The following PIGK variants were observed in gnomAD, a reference collection of about 807,000 sequenced individuals.
The protein encoded by PIGK is GPI-anchor transamidase.
A neutral mutation model predicts 50.6 loss-of-function variants in PIGK; 42 were observed. The ratio of observed to expected loss-of-function variants is 0.83; its 90% CI spans 0.65 to 1.07. The LOEUF (loss-of-function observed/expected upper bound fraction) is 1.07. PIGK is among the 50% of genes least tolerant of loss of function. PIGK has a pLI of 0.00. For missense variants in PIGK, 448 were observed against 488.7 expected, an observed-to-expected ratio of 0.92 and a Z score of 0.78; for synonymous variants, 151 against 156.0, an observed-to-expected ratio of 0.97 and a Z score of 0.24.
intron 3 of PIGK, among the ~76,000 whole-genome samples, chr1:77,197,590 T>C (rs1214566418): frequency 5.3e-5 from 8 of 152,220 alleles, no homozygotes; most frequent in Non-Finnish European, 1.0e-4. Context: ...GTCACATATA[T>C]GCTTTGTATT....
At chr1:77,202,417 AC>A (rs1310348043) in intron 3 of PIGK, among the ~76,000 whole-genome samples, 1 of 152,208 alleles carries the variant, frequency 6.6e-6, no homozygotes, top group Non-Finnish European at 1.5e-5. Flanking sequence ...ACATCAGAAA[AC>A]TAGAGGGGAA....
At chr1:77,215,468 G>A (rs931145787) in intron 1 of PIGK, among the ~76,000 whole-genome samples, 1 of 152,152 alleles carries the variant, frequency 6.6e-6, no homozygotes, top group Non-Finnish European at 1.5e-5. Flanking sequence ...TACACTGCTG[G>A]TGGGAATGTA....
chr1:77,165,075 C>T (rs1655206010), intron 5 of PIGK, among the ~76,000 whole-genome samples: 1 of 152,046 alleles, frequency 6.6e-6, no homozygotes, highest in Non-Finnish European at 1.5e-5. Context: ...CAAATGGATG[C>T]AACTGTGTTT....
At chr1:77,122,967 T>C (rs1345255351) in intron 9 of PIGK, among the ~76,000 whole-genome samples, 1 of 152,150 alleles carries the variant, frequency 6.6e-6, no homozygotes, top group Non-Finnish European at 1.5e-5. Flanking sequence ...ATATCTAATA[T>C]TTATCAAAAA....
At chr1:77,178,557 T>C (rs1655536853) in intron 3 of PIGK, among the ~76,000 whole-genome samples, 1 of 151,894 alleles carries the variant, frequency 6.6e-6, no homozygotes, top group Non-Finnish European at 1.5e-5. Context: ...AGAGATTCAG[T>C]TTTAGGGCAT....
intron 3 of PIGK, among the ~76,000 whole-genome samples, chr1:77,174,206 C>T (rs375963861): frequency 3.9e-5 from 6 of 152,074 alleles, no homozygotes; most frequent in African/African-American, 9.7e-5. Context: ...TTTCTCTAAG[C>T]GAGAAATATT....
intron 8 of PIGK, among the ~76,000 whole-genome samples, chr1:77,159,484 A>G (rs1274037489): frequency 6.6e-6 from 1 of 152,166 alleles, no homozygotes; most frequent in Non-Finnish European, 1.5e-5. Flanking sequence ...TGGTAGATCC[A>G]CTGACAGCTT....
At chr1:77,119,802 C>A (rs894320295) in intron 10 of PIGK, among the ~76,000 whole-genome samples, 1 of 152,066 alleles carries the variant, frequency 6.6e-6, no homozygotes, top group African/African-American at 2.4e-5. Context: ...TAGTGAGAGT[C>A]CTTGGCTTCT....
At chr1:77,213,646 C>T (rs1656476815) in intron 1 of PIGK, among the ~76,000 whole-genome samples, 1 of 152,000 alleles carries the variant, frequency 6.6e-6, no homozygotes, top group Non-Finnish European at 1.5e-5. Flanking sequence ...TCTCAAGGTA[C>T]TAGAGAAGAA....
chr1:77,188,446 C>T, intron 3 of PIGK, among the ~76,000 whole-genome samples: 1 of 151,720 alleles, frequency 6.6e-6, no homozygotes, highest in East Asian at 1.9e-4. Context: ...AAATTTTGGT[C>T]AGACCGGTTG....
At chr1:77,113,283 A>G (rs2100521172) in intron 10 of PIGK, among the ~76,000 whole-genome samples, 1 of 152,242 alleles carries the variant, frequency 6.6e-6, no homozygotes, top group East Asian at 1.9e-4. Context: ...AAGGCAGAAA[A>G]GTTAATTACT....
intron 1 of PIGK, among the ~76,000 whole-genome samples, chr1:77,213,519 GA>G (rs2068563970): frequency 6.6e-6 from 1 of 152,180 alleles, no homozygotes; most frequent in African/African-American, 2.4e-5. Flanking sequence ...TTTAATACAT[GA>G]AAATAGAAAC....
Position 77,092,440 on chromosome 1 carries a change from T to C in PIGK, c.1122A>G (p.Leu374=), listed in dbSNP as rs1193156148. The C allele has an allele frequency of 6.2e-7, 1 of 1,607,548 alleles. No individual in the cohort carries two copies. The highest frequency in any genetic ancestry group is 1.7e-5 in the Admixed American group (1 of 59,076). ...WHPPGGFILG[L]WALIIMVFFK... The stretch of plus-strand genomic sequence containing the variant: ...AGAAAACCATGATAATAAGTGCCCA[T>C]AATCCCAGAATAAAGCCCCCAGGAG... The change falls in exon 11 of 11, where the codon TTA becomes TTG. Residue 374 remains leucine (L), a synonymous_variant. Transcript: ENST00000370812.
At chr1:77,170,980 G>A (rs1298614516) in intron 3 of PIGK, among the ~76,000 whole-genome samples, 1 of 152,168 alleles carries the variant, frequency 6.6e-6, no homozygotes, top group East Asian at 1.9e-4. Context: ...ATCTTCAGCT[G>A]TTACTGATTC....
chr1:77,172,260 T>C (rs1570240561), intron 3 of PIGK, among the ~76,000 whole-genome samples: 1 of 152,106 alleles, frequency 6.6e-6, no homozygotes, highest in African/African-American at 2.4e-5. Flanking sequence ...TCTTGGCCAA[T>C]CCCAGCAGCC....
chr1:77,099,047 A>C (rs1653485360), intron 10 of PIGK, among the ~76,000 whole-genome samples: 1 of 152,162 alleles, frequency 6.6e-6, no homozygotes, highest in Admixed American at 6.5e-5. Flanking sequence ...ATATTAAGGA[A>C]TTCAGAAACG....
chr1:77,167,518 A>T (rs1655262740), intron 4 of PIGK, among the ~76,000 whole-genome samples: 1 of 152,322 alleles, frequency 6.6e-6, no homozygotes, highest in East Asian at 1.9e-4. Flanking sequence ...CTGAGGCAGG[A>T]GGATCACCTG....
intron 1 of PIGK, among the ~76,000 whole-genome samples, chr1:77,215,945 C>CG (rs1436981607): frequency 6.6e-6 from 1 of 151,848 alleles, no homozygotes; most frequent in Non-Finnish European, 1.5e-5. Context: ...AGGAAGGTGA[C>CG]GGGGGGAGTA....
At chr1:77,171,377 C>T (rs1020159988) in intron 3 of PIGK, among the ~76,000 whole-genome samples, 31 of 136,046 alleles carry the variant, frequency 2.3e-4, no homozygotes, top group African/African-American at 7.6e-4. Flanking sequence ...GCGGAGCTCG[C>T]AGTGAGCCGA....
Sources: gnomAD v4.1 joint callset for allele counts (sites outside exome capture counted in the v4.1 genomes callset) on GRCh38, gnomAD v4.1.1 for gene constraint, MANE v1.5 for transcripts, NCBI Gene and HGNC (gene_info 2026-07-23, HGNC 2026-07-21) for gene names.